ZDHHC20: variants seen among roughly 807,000 people sequenced by gnomAD.
The protein encoded by ZDHHC20 is zDHHC palmitoyltransferase 20.
ZDHHC20 carries 43 observed loss-of-function variants against 57.8 expected under a neutral mutation model. The ratio of observed to expected loss-of-function variants is 0.74; its 90% CI spans 0.58 to 0.96. ZDHHC20 has a LOEUF of 0.96. Ranked by LOEUF, ZDHHC20 falls within the 40% of genes least tolerant of loss-of-function variation. The pLI, the probability that ZDHHC20 is intolerant of heterozygous loss-of-function variation, is 0.00. For synonymous variants in ZDHHC20, 157 were observed against 153.0 expected (o/e 1.03, Z -0.19); for missense variants, 391 against 441.1 (o/e 0.89, Z 1.02).
chr13:21,447,572 G>T (rs1399732460), intron 1 of ZDHHC20, among the ~76,000 whole-genome samples: 1 of 146,228 alleles, frequency 6.8e-6, no homozygotes, highest in African/African-American at 2.5e-5. Flanking sequence ...AGGGAGTCTC[G>T]TTCACTCAGT....
rs1015426963 is a variant in ZDHHC20, at chr13:21,376,336, T to C, written c.*360A>G. The C allele has an allele frequency of 5.2e-6, 1 of 190,990 alleles. No individual in the cohort carries two copies. The highest frequency in any genetic ancestry group is 1.1e-5 in the Non-Finnish European group (1 of 93,952). The allele number at this position is 190,990 out of a possible 1,614,324, so 11.8% of individuals were successfully genotyped here. A position where few individuals can be genotyped will look rare whatever the true frequency, so the allele number is the denominator to read the frequency against. The stretch of plus-strand genomic sequence containing the variant: ...TGTATATGGATACTTATTCTAATAA[T>C]GTAATTCAGGTATCAAAAAATACAT... On this transcript the variant is annotated 3_prime_UTR_variant, in exon 13 of 13. Coordinates refer to ENST00000400590, the MANE Select transcript of ZDHHC20 (RefSeq NM_001330059.2).
intron 1 of ZDHHC20, among the ~76,000 whole-genome samples, chr13:21,427,470 T>C (rs4770154): frequency 0.98 from 149,699 of 152,300 alleles, 73,621 homozygotes; most frequent in Middle Eastern, 1. Context: ...ATCTAGCTAA[T>C]AGTTTCCAGC....
intron 7 of ZDHHC20, among the ~76,000 whole-genome samples, chr13:21,392,553 G>T (rs147520524): frequency 6.6e-6 from 1 of 152,114 alleles, no homozygotes; most frequent in African/African-American, 2.4e-5. Context: ...TTTACCACAG[G>T]TATTAATGAA....
intron 1 of ZDHHC20, among the ~76,000 whole-genome samples, chr13:21,448,290 C>T (rs1265270998): frequency 7.1e-5 from 6 of 84,800 alleles, no homozygotes; most frequent in South Asian, 3.6e-4. Context: ...CCCCTCTGCC[C>T]GGCCAGCCGC....
intron 1 of ZDHHC20, among the ~76,000 whole-genome samples, chr13:21,447,296 C>G (rs1205722658): frequency 1.4e-5 from 2 of 147,962 alleles, no homozygotes; most frequent in Non-Finnish European, 3.0e-5. Flanking sequence ...CTCCCTCTCC[C>G]TCTCCGTCTC....
At chr13:21,397,764 A>G (rs1877030566) in intron 7 of ZDHHC20, among the ~76,000 whole-genome samples, 2 of 152,228 alleles carry the variant, frequency 1.3e-5, no homozygotes, top group Non-Finnish European at 1.5e-5. Context: ...AGAACACAAT[A>G]GAAATTTCAC....
At chr13:21,427,749 C>T (rs1307991114) in intron 1 of ZDHHC20, among the ~76,000 whole-genome samples, 1 of 148,652 alleles carries the variant, frequency 6.7e-6, no homozygotes, top group Non-Finnish European at 1.5e-5. Context: ...GCAGGAGAAT[C>T]ACTTGAACCC....
chr13:21,434,710 G>A (rs1304628301), intron 1 of ZDHHC20, among the ~76,000 whole-genome samples: 2 of 152,020 alleles, frequency 1.3e-5, no homozygotes, highest in Non-Finnish European at 2.9e-5. Context: ...GAAAAGATCA[G>A]GCCAGATGTC....
At chr13:21,400,614 C>A (rs369975931) in intron 6 of ZDHHC20, 121 bp from the exon 7 acceptor site, 198 of 968,004 alleles carry the variant, frequency 2.0e-4, no homozygotes, top group African/African-American at 5.2e-4. Flanking sequence ...CTTTTTAATG[C>A]GAATAAAATT....
intron 5 of ZDHHC20, among the ~76,000 whole-genome samples, chr13:21,402,153 T>C (rs1215238777): frequency 6.6e-6 from 1 of 152,102 alleles, no homozygotes; most frequent in Admixed American, 6.6e-5. Flanking sequence ...TAAAATGCAA[T>C]ACAGATGGCC....
chr13:21,414,935 T>G (rs1362399099), intron 3 of ZDHHC20, among the ~76,000 whole-genome samples: 2 of 152,076 alleles, frequency 1.3e-5, no homozygotes, highest in African/African-American at 4.8e-5. Flanking sequence ...CTTCATTGTG[T>G]TTTATATTTT....
At chr13:21,427,366 TA>T (rs1371318163) in intron 1 of ZDHHC20, among the ~76,000 whole-genome samples, 1 of 152,176 alleles carries the variant, frequency 6.6e-6, no homozygotes, top group African/African-American at 2.4e-5. Flanking sequence ...GGATTTGAAC[TA>T]AAAGTCTGTT....
At chr13:21,448,770 TAGAAAGGCG>T in intron 1 of ZDHHC20, among the ~76,000 whole-genome samples, 1 of 94,456 alleles carries the variant, frequency 1.1e-5, no homozygotes, top group Middle Eastern at 4.9e-3. Flanking sequence ...CTTTGTGGAA[TAGAAAGGCG>T]GGAAAGGTGG....
chr13:21,395,927 T>C (rs1014716168), intron 7 of ZDHHC20, among the ~76,000 whole-genome samples: 2 of 152,114 alleles, frequency 1.3e-5, no homozygotes, highest in African/African-American at 4.8e-5. Flanking sequence ...GGAGCACATC[T>C]TTCATACATA....
At position 21,418,045 on chromosome 13, in the gene ZDHHC20, G is replaced by A. The variant is rs187566940; in HGVS notation, c.249+3016C>T. ...CTAGAGCTTAGCTTAGCTGGCCCAT[G>A]AAGATTTAATAATTAATTAATTTAA... On this transcript the variant is annotated intron_variant, in intron 3 of 12. Transcript: ENST00000400590. 2.2e-3 allele frequency among the ~76,000 whole-genome samples: 329 copies of A among 152,298 alleles called. 2 individuals carry two copies. Among genetic ancestry groups the A allele is most frequent in the Middle Eastern group, 0.017 (5 of 294 alleles).
At chr13:21,402,754 T>C (rs371003237) in intron 5 of ZDHHC20, 43 bp downstream of exon 5, 133 of 1,507,090 alleles carry the variant, frequency 8.8e-5, no homozygotes, top group Non-Finnish European at 1.2e-4. Context: ...CCATCACTGA[T>C]TTCCAGTGCT....
At chr13:21,442,875 T>C (rs1012771358) in intron 1 of ZDHHC20, among the ~76,000 whole-genome samples, 8 of 152,222 alleles carry the variant, frequency 5.3e-5, no homozygotes, top group African/African-American at 1.9e-4. Context: ...TATTTTCATC[T>C]ACTGAAAAGA....
chr13:21,427,481 G>A (rs1161998503), intron 1 of ZDHHC20, among the ~76,000 whole-genome samples: 3 of 152,012 alleles, frequency 2.0e-5, no homozygotes, highest in Non-Finnish European at 2.9e-5. Context: ...AGTTTCCAGC[G>A]GTTGTCTCTT....
At position 21,372,913 on chromosome 13, in the gene ZDHHC20, ATACAAG is replaced by A. The variant is rs980440232; in HGVS notation, c.*3777_*3782del. On this transcript the variant is annotated 3_prime_UTR_variant, in exon 13 of 13. Transcript: ENST00000400590. ...ACCTAATAGCTTTCTTCATCTTTTAATACAAGTACAATTCCTTGCTTCTTTATGCAA... is the reference window on the plus strand; with the variant it reads ...ACCTAATAGCTTTCTTCATCTTTTAATACAATTCCTTGCTTCTTTATGCAA... 7 of 152,350 alleles carry A rather than the reference ATACAAG, an allele frequency of 4.6e-5. No individual in the cohort carries two copies. The highest frequency in any genetic ancestry group is 2.1e-4 in the South Asian group (1 of 4,828). 9.4% of individuals were successfully genotyped at this position (152,350 alleles called of 1,614,324 possible).
Sources: allele counts gnomAD v4.1 joint callset (sites outside exome capture counted in the v4.1 genomes callset), GRCh38; gene constraint gnomAD v4.1.1; transcripts MANE v1.5; gene names NCBI Gene and HGNC (gene_info 2026-07-23, HGNC 2026-07-21).